PZP: variants seen among roughly 807,000 people sequenced by gnomAD.
PZP encodes the protein PZP alpha-2-macroglobulin like.
PZP carries 150 observed loss-of-function variants against 179.8 expected under a neutral mutation model. That is an observed-to-expected ratio of 0.83 (90% CI 0.73 to 0.96). PZP has a LOEUF of 0.96. Among genes scored for constraint, PZP ranks in the 40% least tolerant of loss-of-function variants. The pLI is 0.00. For missense variants in PZP, 1,689 were observed against 1,764.0 expected (o/e 0.96, Z 0.76); for synonymous variants, 624 against 652.3 (o/e 0.96, Z 0.66).
intron 26 of PZP, among the ~76,000 whole-genome samples, 184 bp from the exon 27 acceptor site, chr12:9,158,025 A>G (rs770416000): frequency 2.0e-4 from 31 of 152,288 alleles, no homozygotes; most frequent in South Asian, 6.2e-4. Flanking sequence ...ACTATCACAC[A>G]TGACAGCCTC....
In PZP at chr12:9,165,302, G is replaced by A. The variant is rs755733989; in HGVS notation, c.2324C>T (p.Ala775Val). ...TCCAGCATCTTCGGACAGGCAGAAG[G>A]CCCCTGCCTTCCACTCGGTGATGGT... is the stretch of plus-strand genomic sequence containing the variant. ...PDTITEWKAG[A>V]FCLSEDAGLG... is the part of the protein sequence containing the mutation. The change falls in exon 19 of 36, where the codon GCC becomes GTC. Residue 775 changes from alanine to valine, a missense_variant. Ala to Val is a moderately conservative substitution (Grantham distance 64). This residue lies in a region of PZP where 201 missense variants were observed against 284.2 expected (regional missense o/e 0.71). Coordinates refer to ENST00000261336, the MANE Select transcript of PZP (RefSeq NM_002864.3). 5 of 1,614,120 alleles carry A rather than the reference G, an allele frequency of 3.1e-6. No homozygotes were observed. In the Admixed American group the frequency reaches 8.3e-5, roughly 27 times the overall value.
intron 29 of PZP, among the ~76,000 whole-genome samples, chr12:9,153,619 A>G (rs759615142): frequency 6.6e-5 from 10 of 152,362 alleles, no homozygotes; most frequent in African/African-American, 2.2e-4. Flanking sequence ...GAATAGGTCT[A>G]AAACTAAGAA....
rs779961221 is a variant in PZP at position 9,196,356 on chromosome 12, T to G, written c.1066A>C (p.Arg356=). The change falls in exon 10 of 36, where the codon AGA becomes CGA. Residue 356 remains arginine, a synonymous_variant. Coordinates refer to ENST00000261336, the MANE Select transcript of PZP (RefSeq NM_002864.3). ...LKFVKVDSHF[R]QGIPFFAQVL... Reference sequence around the variant, plus strand: ...TGTGCAAAAAAGGGGATTCCTTGTCTAAAGTGTGAATCCACTTTCACGAAT... The same window carrying G: ...TGTGCAAAAAAGGGGATTCCTTGTCGAAAGTGTGAATCCACTTTCACGAAT... 7 of 1,612,570 alleles carry G rather than the reference T, an allele frequency of 4.3e-6. No individual in the cohort carries two copies. In the South Asian group the frequency reaches 6.6e-5, roughly 15 times the overall value.
At chr12:9,155,138 T>C (rs2120568202) in intron 28 of PZP, among the ~76,000 whole-genome samples, 1 of 152,318 alleles carries the variant, frequency 6.6e-6, no homozygotes, top group Non-Finnish European at 1.5e-5. Context: ...AGAGTTCTTT[T>C]ATTGTTCGTG....
intron 17 of PZP, chr12:9,167,539 C>T (rs867441659): frequency 1.3e-5 from 2 of 152,120 alleles, no homozygotes; most frequent in African/African-American, 4.8e-5. Flanking sequence ...CTTCCGTTGC[C>T]CTCCCCCACC....
At chr12:9,184,347 G>A (rs747550729) in intron 13 of PZP, among the ~76,000 whole-genome samples, 31 of 152,294 alleles carry the variant, frequency 2.0e-4, no homozygotes, top group Middle Eastern at 3.4e-3. Context: ...TACAGACACT[G>A]CCACCAGTAT....
rs1264875519 is a variant in PZP, at chr12:9,162,591, T to C, written c.2788+6A>G. 1 of 1,572,400 alleles carries C rather than the reference T, an allele frequency of 6.4e-7. No individual in the cohort carries two copies. The highest frequency in any genetic ancestry group is 1.1e-5 in the South Asian group (1 of 89,824). ...TCTCACTATGATTATGAAGATGGAC[T>C]CTTACCTGAGGCACAGGTCATAGAA... is the stretch of plus-strand genomic sequence containing the variant. On this transcript the variant is annotated splice_donor_region_variant and intron_variant, in intron 22 of 35. Coordinates refer to ENST00000261336, the MANE Select transcript of PZP (RefSeq NM_002864.3).
downstream of PZP, among the ~76,000 whole-genome samples, chr12:9,145,416 A>G (rs769559263): frequency 6.6e-6 from 1 of 152,244 alleles, no homozygotes; most frequent in Non-Finnish European, 1.5e-5. Flanking sequence ...AGCTGATAAC[A>G]ACTTCAGTTT....
intron 10 of PZP, among the ~76,000 whole-genome samples, chr12:9,195,847 A>G (rs1396578005): frequency 6.8e-6 from 1 of 147,126 alleles, no homozygotes; most frequent in Non-Finnish European, 1.5e-5. Flanking sequence ...GTTAAAATAT[A>G]TAAGTTAAAC....
chr12:9,154,563 C>T, intron 29 of PZP, 53 bp downstream of exon 29: 5 of 1,512,770 alleles, frequency 3.3e-6, no homozygotes, highest in Non-Finnish European at 4.6e-6. Flanking sequence ...TACTTTTAAG[C>T]CTCCCAATTG....
At chr12:9,199,336 C>G (rs1312132503) in intron 7 of PZP, among the ~76,000 whole-genome samples, 2 of 152,118 alleles carry the variant, frequency 1.3e-5, no homozygotes, top group Non-Finnish European at 2.9e-5. Flanking sequence ...TCAGCGCATC[C>G]TCCTTCCTCA....
intron 10 of PZP, among the ~76,000 whole-genome samples, chr12:9,194,510 G>GCCGGA (rs1272513945): frequency 9.0e-5 from 13 of 144,208 alleles, no homozygotes; most frequent in African/African-American, 3.1e-4. Context: ...TGTCGCCCAG[G>GCCGGA]CTGGAGTGCA....
chr12:9,158,649 G>C, intron 25 of PZP, 73 bp from the exon 26 acceptor site: 2 of 1,469,140 alleles, frequency 1.4e-6, no homozygotes, highest in Admixed American at 2.0e-5. Context: ...GTACACACAG[G>C]CTCCCCCATC....
At chr12:9,166,861 A>G (rs899377797) in intron 17 of PZP, 2 of 152,244 alleles carry the variant, frequency 1.3e-5, no homozygotes, top group Admixed American at 6.5e-5. Context: ...AGAGCTAGAC[A>G]TGAAAGCAAT....
the PZP span, among the ~76,000 whole-genome samples, chr12:9,140,335 T>C: frequency 1.8e-4 from 28 of 152,344 alleles, no homozygotes; most frequent in East Asian, 5.4e-3. Flanking sequence ...TTTGGTTGTT[T>C]TGGAATTCCC....
chr12:9,161,226 G>A (rs1168191527), intron 22 of PZP, 110 bp from the exon 23 acceptor site: 8 of 895,746 alleles, frequency 8.9e-6, no homozygotes, highest in African/African-American at 3.4e-5. Context: ...ATATGGTACT[G>A]GCCCTGCTTT....
the PZP span, among the ~76,000 whole-genome samples, chr12:9,141,152 A>G: frequency 6.6e-6 from 1 of 152,190 alleles, no homozygotes; most frequent in African/African-American, 2.4e-5. Flanking sequence ...TTAACATAAC[A>G]ATTATAATTA....
At chr12:9,205,322 T>A (rs1463656235) in intron 1 of PZP, among the ~76,000 whole-genome samples, 5 of 152,094 alleles carry the variant, frequency 3.3e-5, no homozygotes, top group Non-Finnish European at 7.4e-5. Context: ...TTCAATATAA[T>A]CTCTCCACAC....
chr12:9,168,689 A>AT (rs1389334754), intron 17 of PZP, 180 bp downstream of exon 17: 2 of 512,968 alleles, frequency 3.9e-6, no homozygotes, highest in Non-Finnish European at 6.8e-6. Flanking sequence ...TCTAAAAAAA[A>AT]ATCTCTGATC....
Sources: allele counts gnomAD v4.1 joint callset (sites outside exome capture counted in the v4.1 genomes callset), GRCh38; gene constraint gnomAD v4.1.1; regional missense constraint gnomAD v4.1.1; transcripts MANE v1.5; gene names NCBI Gene and HGNC (gene_info 2026-07-23, HGNC 2026-07-21).